The following MACF1 variants were observed in gnomAD, a reference collection of about 807,000 sequenced individuals.
MACF1 encodes microtubule actin crosslinking factor 1.
MACF1 carries 193 observed loss-of-function variants against 854.8 expected under a neutral mutation model. That is an observed-to-expected ratio of 0.23 (90% CI 0.20 to 0.25). The LOEUF (loss-of-function observed/expected upper bound fraction) is 0.25, where lower values mean the gene tolerates loss of function less well. Among genes scored for constraint, MACF1 ranks in the 10% least tolerant of loss-of-function variants. The pLI is 1.00. For synonymous variants in MACF1, 3,185 were observed against 3,226.7 expected, an observed-to-expected ratio of 0.99 and a Z score of 0.44; for missense variants, 7,722 against 8,929.1, an observed-to-expected ratio of 0.86 and a Z score of 5.45.
Position 39,284,177 on chromosome 1 carries a change from G to A in MACF1, c.1027G>A (p.Glu343Lys). ...SDKTFPQNPVELKALYNQYIH... is the reference protein window; with the variant it reads ...SDKTFPQNPVKLKALYNQYIH... Reference sequence around the variant, plus strand: ...TAAAACTTTTCCCCAAAACCCTGTTGAACTAAAGGTAAAGTCAAGGACTTA... The same window carrying A: ...TAAAACTTTTCCCCAAAACCCTGTTAAACTAAAGGTAAAGTCAAGGACTTA... Residue 343 changes from glutamate (E) to lysine (K), a missense_variant, in exon 10 of 101, where the codon GAA becomes AAA. By Grantham distance (56) the Glu-to-Lys change is moderately conservative. Coordinates refer to ENST00000564288, the MANE Select transcript of MACF1 (RefSeq NM_001394062.1). 1 of 1,612,514 alleles carries A rather than the reference G, an allele frequency of 6.2e-7. No individual in the cohort carries two copies. Among genetic ancestry groups the A allele is most frequent in the Non-Finnish European group, 8.5e-7 (1 of 1,179,612 alleles).
At chr1:39,182,065 C>T (rs1291311879) in intron 2 of MACF1, among the ~76,000 whole-genome samples, 1 of 151,488 alleles carries the variant, frequency 6.6e-6, no homozygotes, top group South Asian at 2.1e-4. Context: ...GCAGGAGAAT[C>T]GCTTGAACCC....
intron 63 of MACF1, among the ~76,000 whole-genome samples, chr1:39,428,727 T>G (rs1199887143): frequency 6.6e-6 from 1 of 152,234 alleles, no homozygotes; most frequent in Non-Finnish European, 1.5e-5. Context: ...TGTGTCATCT[T>G]AATAGAAGAG....
Position 39,285,365 on chromosome 1 carries a change from C to T in MACF1, c.1328C>T (p.Thr443Ile), listed in dbSNP as rs1287625710. The T allele has an allele frequency of 6.2e-7, 1 of 1,614,132 alleles. No homozygotes were observed. Among genetic ancestry groups the T allele is most frequent in the East Asian group, 2.2e-5 (1 of 44,890 alleles). Reference sequence around the variant, plus strand: ...GCTTTGAACTGTGAAGAAAAACTGACACTAGCTAAGAATACACTGCAGGCT... The same window carrying T: ...GCTTTGAACTGTGAAGAAAAACTGATACTAGCTAAGAATACACTGCAGGCT... Reference protein sequence around the residue: ...NGALNCEEKLTLAKNTLQADA... With the variant: ...NGALNCEEKLILAKNTLQADA... The change falls in exon 13 of 101, where the codon ACA (threonine) becomes ATA (isoleucine). Residue 443 changes from threonine (T) to isoleucine (I), a missense_variant. Physicochemically the swap from Thr to Ile is moderately conservative, Grantham distance 89. Transcript: ENST00000564288.
intron 2 of MACF1, among the ~76,000 whole-genome samples, chr1:39,119,743 C>T (rs929270378): frequency 1.3e-5 from 2 of 152,076 alleles, no homozygotes; most frequent in Non-Finnish European, 2.9e-5. Context: ...ATGCTTTTCC[C>T]GTCCATCCAG....
intron 2 of MACF1, among the ~76,000 whole-genome samples, chr1:39,085,944 A>G (rs974302503): frequency 6.6e-6 from 1 of 152,098 alleles, no homozygotes; most frequent in Non-Finnish European, 1.5e-5. Flanking sequence ...TCCTCTTTTA[A>G]GTGCCGCCTC....
chr1:39,422,317 G>T (rs1032330195), intron 58 of MACF1, 57 bp from the exon 59 acceptor site: 1 of 1,397,542 alleles, frequency 7.2e-7, no homozygotes, highest in African/African-American at 1.4e-5. Context: ...GTCTCTGCGT[G>T]GTATAGAGAG....
At position 39,238,683 on chromosome 1, in the gene MACF1, G is replaced by A. The variant is rs531568701; in HGVS notation, c.171+7440G>A. Among the ~76,000 whole-genome samples, 4 of 152,274 alleles carry A rather than the reference G, an allele frequency of 2.6e-5. No homozygotes were observed. The East Asian group carries it at 7.7e-4, about 29-fold the overall frequency. ...AGGAAGCTCAGGGAGGGAGAAGCTA[G>A]AGGAACACATCATAGCATTGTTAGA... On this transcript the variant is annotated intron_variant, in intron 2 of 100. Coordinates refer to ENST00000564288, the MANE Select transcript of MACF1 (RefSeq NM_001394062.1).
intron 2 of MACF1, among the ~76,000 whole-genome samples, chr1:39,102,193 A>AAGAGAGAG (rs61576279): frequency 2.9e-4 from 43 of 148,196 alleles, no homozygotes; most frequent in South Asian, 1.9e-3. Flanking sequence ...AAGAAAAAGA[A>AAGAGAGAG]AGAGAGAGAG....
intron 58 of MACF1, among the ~76,000 whole-genome samples, chr1:39,395,096 A>C (rs934831076): frequency 2.6e-5 from 4 of 152,074 alleles, no homozygotes; most frequent in African/African-American, 9.7e-5. Context: ...AGGGGCAGCC[A>C]CTCACGCCAC....
At chr1:39,094,480 G>A (rs1477022794) in intron 2 of MACF1, among the ~76,000 whole-genome samples, 1 of 151,638 alleles carries the variant, frequency 6.6e-6, no homozygotes, top group Admixed American at 6.6e-5. Flanking sequence ...CCAGCACTTT[G>A]GGAGGCCCAG....
Position 39,406,738 on chromosome 1 carries a change from C to CAAAAAAAAAAAAAAAAAAAA in MACF1, c.15817-15635_15817-15616dup, listed in dbSNP as rs5773658. ...CGACAGAGTGAGACAGAGTCTCACT[C>CAAAAAAAAAAAAAAAAAAAA]AAAAAAAAAAAAAAAAAAAACATTC... is the stretch of plus-strand genomic sequence containing the variant. On this transcript the variant is annotated intron_variant, in intron 58 of 100. Transcript: ENST00000564288. 2.8e-4 allele frequency among the ~76,000 whole-genome samples: 9 copies of CAAAAAAAAAAAAAAAAAAAA among 31,814 alleles called. 1 individual carries two copies. Among genetic ancestry groups the CAAAAAAAAAAAAAAAAAAAA allele is most frequent in the African/African-American group, 1.2e-3 (8 of 6,774 alleles). The allele number at this position is 31,814 out of a possible 152,430, so 20.9% of individuals were successfully genotyped here.
rs558116094 is a variant in MACF1 at position 39,295,121 on chromosome 1, G to C, written c.2230G>C (p.Glu744Gln). 6.2e-7 allele frequency: 1 copy of C among 1,614,084 alleles called. No individual in the cohort carries two copies. Among genetic ancestry groups the C allele is most frequent in the Non-Finnish European group, 8.5e-7 (1 of 1,179,970 alleles). Reference sequence around the variant, plus strand: ...AGATACAGCAGAACTACTTTCACTTGAGAACCACCCAGCCAAGCAGACAGT... The same window carrying C: ...AGATACAGCAGAACTACTTTCACTTCAGAACCACCCAGCCAAGCAGACAGT... The part of the protein sequence containing the change: ...LQDTAELLSL[E>Q]NHPAKQTVEA... The change falls in exon 19 of 101, where the codon GAG becomes CAG. Residue 744 changes from glutamate (E) to glutamine (Q), a missense_variant. Physicochemically the swap from Glu to Gln is conservative, Grantham distance 29. Coordinates refer to ENST00000564288, the MANE Select transcript of MACF1 (RefSeq NM_001394062.1).
chr1:39,283,546 G>T lies in MACF1; in HGVS notation c.915+31G>T. Reference sequence around the variant, plus strand: ...AGAACATTTTCCTAGAAGGCCTTCTGACTTTGATTCATTTGGGTGAAATGC... The same window carrying T: ...AGAACATTTTCCTAGAAGGCCTTCTTACTTTGATTCATTTGGGTGAAATGC... On this transcript the variant is annotated intron_variant, in intron 9 of 100. Transcript: ENST00000564288. The surrounding 1 kb of genome is among the most constrained non-coding windows in gnomAD (Gnocchi z 4.5). 1 of 1,480,916 alleles carries T rather than the reference G, an allele frequency of 6.8e-7. No homozygotes were observed. Among genetic ancestry groups the T allele is most frequent in the South Asian group, 1.1e-5 (1 of 87,854 alleles). The allele number at this position is 1,480,916 out of a possible 1,614,324, so 91.7% of individuals were successfully genotyped here. A position where few individuals can be genotyped will look rare whatever the true frequency, so the allele number is the denominator to read the frequency against.
At chr1:39,287,652 T>C in intron 15 of MACF1, 90 bp downstream of exon 15, 1 of 1,348,400 alleles carries the variant, frequency 7.4e-7, no homozygotes, top group Non-Finnish European at 1.0e-6. Context: ...TTGTGTTCCC[T>C]GTGCAGATTC....
At position 39,366,399 on chromosome 1, in the gene MACF1, T is replaced by C. The variant is rs149965852; in HGVS notation, c.12772-1749T>C. 5.2e-3 allele frequency among the ~76,000 whole-genome samples: 787 copies of C among 152,210 alleles called. 6 individuals are homozygous for C. Among genetic ancestry groups the C allele is most frequent in the African/African-American group, 0.018 (728 of 41,506 alleles). ...CCCAGGCTGGAGTGCAGTGGCATGA[T>C]CATAGCTCACTGCATCCTCAAACTC... On this transcript the variant is annotated intron_variant, in intron 49 of 100. Coordinates refer to ENST00000564288, the MANE Select transcript of MACF1 (RefSeq NM_001394062.1).
Position 39,323,051 on chromosome 1 carries a change from A to G in MACF1, c.4236+43A>G, listed in dbSNP as rs765389108. ...CAAAGTCATCTTGAAAGTACAGTAA[A>G]ACATCTTAGCCAGCACGGTGGTGTG... On this transcript the variant is annotated intron_variant, in intron 33 of 100. Coordinates refer to ENST00000564288, the MANE Select transcript of MACF1 (RefSeq NM_001394062.1). The G allele has an allele frequency of 5.7e-6, 9 of 1,574,208 alleles. No individual in the cohort carries two copies. In the African/African-American group the frequency reaches 6.7e-5, roughly 12 times the overall value.
intron 40 of MACF1, 26 bp downstream of exon 40, chr1:39,340,979 C>G (rs554844403): frequency 6.4e-7 from 1 of 1,557,534 alleles, no homozygotes; most frequent in Non-Finnish European, 8.7e-7. Context: ...TTTTCTTTGT[C>G]CTTTGAGTTG....
chr1:39,226,386 G>C (rs1221804314), intron 1 of MACF1, among the ~76,000 whole-genome samples: 1 of 151,000 alleles, frequency 6.6e-6, no homozygotes, highest in Non-Finnish European at 1.5e-5. Context: ...TGTTGCCCGA[G>C]CTGGAATGCA....
At position 39,409,135 on chromosome 1, in the gene MACF1, C is replaced by A. The variant is rs866501902; in HGVS notation, c.15817-13239C>A. 4.1e-4 allele frequency among the ~76,000 whole-genome samples: 62 copies of A among 152,160 alleles called. No homozygotes were observed. The highest frequency in any genetic ancestry group is 1.4e-3 in the African/African-American group (60 of 41,538). On this transcript the variant is annotated intron_variant, in intron 58 of 100. Transcript: ENST00000564288. This position sits in a 1 kb window ranked among gnomAD's most constrained non-coding sequence, Gnocchi z 4.2. ...CTGCGCGGGGGAGGAGGACTCGCCCCCCGCCCGACCCTAGCGGAGCCTTTT... is the reference window on the plus strand; with the variant it reads ...CTGCGCGGGGGAGGAGGACTCGCCCACCGCCCGACCCTAGCGGAGCCTTTT...
Sources: allele counts gnomAD v4.1 joint callset (sites outside exome capture counted in the v4.1 genomes callset), GRCh38; gene constraint gnomAD v4.1.1; non-coding constraint Gnocchi (gnomAD v3.1); transcripts MANE v1.5; gene names NCBI Gene and HGNC (gene_info 2026-07-23, HGNC 2026-07-21).